The following P4HA3 variants were observed in gnomAD, a reference collection of about 807,000 sequenced individuals.
P4HA3 encodes the protein prolyl 4-hydroxylase subunit alpha 3.
P4HA3 carries 60 observed loss-of-function variants against 66.7 expected under a neutral mutation model. The observed-to-expected ratio is 0.90, with a 90% CI of 0.73 to 1.12. The LOEUF (loss-of-function observed/expected upper bound fraction) is 1.12. P4HA3 is among the 50% of genes most tolerant of loss of function. P4HA3 has a pLI of 0.00. For synonymous variants in P4HA3, 263 were observed against 274.6 expected (o/e 0.96, Z 0.42); for missense variants, 683 against 685.8 (o/e 1.00, Z 0.05).
At chr11:74,309,484 C>G (rs191052707) in intron 1 of P4HA3, among the ~76,000 whole-genome samples, 3 of 152,122 alleles carry the variant, frequency 2.0e-5, no homozygotes, top group African/African-American at 4.8e-5. Flanking sequence ...TTTGACCCCC[C>G]ACTCCCGTCT....
Position 74,277,011 on chromosome 11 carries a change from A to G in P4HA3, c.1309T>C (p.Tyr437His). ...QVVNYGIGGHYEPHFDHATSP... is the reference protein window; with the variant it reads ...QVVNYGIGGHHEPHFDHATSP... ...GTAGCATGGTCAAAGTGAGGCTCAT[A>G]GTGTCCTCCGATGCCATAGTTCACC... The change falls in exon 9 of 13, where the codon TAT becomes CAT. Residue 437 changes from tyrosine to histidine, a missense_variant. Physicochemically the swap from Tyr to His is moderately conservative, Grantham distance 83. Coordinates refer to ENST00000331597, the MANE Select transcript of P4HA3 (RefSeq NM_182904.5). The G allele has an allele frequency of 6.2e-7, 1 of 1,613,998 alleles. No homozygotes were observed. Among genetic ancestry groups the G allele is most frequent in the Non-Finnish European group, 8.5e-7 (1 of 1,179,926 alleles).
chr11:74,255,573 G>C (rs1044425912), intron 15 of P4HA3, among the ~76,000 whole-genome samples: 1 of 152,152 alleles, frequency 6.6e-6, no homozygotes, highest in Admixed American at 6.5e-5. Flanking sequence ...ACCCCACAGG[G>C]TCTTGAGGAT....
intron 8 of P4HA3, among the ~76,000 whole-genome samples, 187 bp downstream of exon 8, chr11:74,279,201 A>T (rs1454319814): frequency 6.6e-6 from 1 of 152,216 alleles, no homozygotes; most frequent in African/African-American, 2.4e-5. Context: ...TTAAACCCTC[A>T]GATGATCTAA....
intron 7 of P4HA3, among the ~76,000 whole-genome samples, chr11:74,281,132 A>G (rs1591104341): frequency 1.3e-5 from 2 of 152,244 alleles, no homozygotes; most frequent in South Asian, 2.1e-4. Context: ...AATGCTCACC[A>G]TTACTGGCCA....
chr11:74,269,635 A>G lies in P4HA3; in HGVS notation c.1467+17T>C. 1 of 1,609,988 alleles carries G rather than the reference A, an allele frequency of 6.2e-7. No individual in the cohort carries two copies. The highest frequency in any genetic ancestry group is 1.7e-5 in the Admixed American group (1 of 59,728). On this transcript the variant is annotated intron_variant, in intron 11 of 12. Coordinates refer to ENST00000331597, the MANE Select transcript of P4HA3 (RefSeq NM_182904.5). ...CACTCCCTCAACCCCGTCTTCTGGGACCAGGGCCCCACTCACCCTAACCAC... is the reference window on the plus strand; with the variant it reads ...CACTCCCTCAACCCCGTCTTCTGGGGCCAGGGCCCCACTCACCCTAACCAC...
Position 74,273,586 on chromosome 11 carries a change from T to C in P4HA3, c.1357A>G (p.Arg453Gly). Reference protein sequence around the residue: ...HATSPSSPLYRMKSGNRVATF... With the variant: ...HATSPSSPLYGMKSGNRVATF... ...GCAACTCGGTTTCCTGACTTCATTCTGTAGAGGGGGCTGCTTGGTGACTGA... is the reference window on the plus strand; with the variant it reads ...GCAACTCGGTTTCCTGACTTCATTCCGTAGAGGGGGCTGCTTGGTGACTGA... Residue 453 changes from arginine to glycine, a missense_variant, in exon 10 of 13, where the codon AGA becomes GGA. Physicochemically the swap from Arg to Gly is moderately radical, Grantham distance 125. Coordinates refer to ENST00000331597, the MANE Select transcript of P4HA3 (RefSeq NM_182904.5). 6.4e-7 allele frequency: 1 copy of C among 1,568,858 alleles called. No individual in the cohort carries two copies. The highest frequency in any genetic ancestry group is 8.6e-7 in the Non-Finnish European group (1 of 1,161,338).
Position 74,302,937 on chromosome 11 carries a change from CTCTTTTCTT to C in P4HA3, c.344-354_344-346del, listed in dbSNP as rs896894639. Among the ~76,000 whole-genome samples, 17 of 149,142 alleles carry C rather than the reference CTCTTTTCTT, an allele frequency of 1.1e-4. No homozygotes were observed. In the East Asian group the frequency reaches 1.2e-3, roughly 10 times the overall value. ...TTCTTTTCTTTTTTTCTCTTCTCTC[CTCTTTTCTT>C]TCTTTTCTTTCTTTCTTTTAATAGA... On this transcript the variant is annotated intron_variant, in intron 2 of 12. Transcript: ENST00000331597.
At chr11:74,260,978 G>GC (rs1279313461) in intron 14 of P4HA3, among the ~76,000 whole-genome samples, 1 of 152,150 alleles carries the variant, frequency 6.6e-6, no homozygotes, top group Non-Finnish European at 1.5e-5. Context: ...GGCCAGCGAT[G>GC]CCCCCTGCCC....
intron 4 of P4HA3, among the ~76,000 whole-genome samples, chr11:74,296,909 T>A (rs186928223): frequency 3.3e-5 from 5 of 151,304 alleles, no homozygotes; most frequent in African/African-American, 1.2e-4. Context: ...GAAGAGCACA[T>A]ACACAGTTTT....
At chr11:74,296,166 G>T (rs1483678364) in intron 4 of P4HA3, among the ~76,000 whole-genome samples, 1 of 152,148 alleles carries the variant, frequency 6.6e-6, no homozygotes, top group Admixed American at 6.5e-5. Flanking sequence ...GCCTGTATTA[G>T]CTCACTCAAT....
intron 4 of P4HA3, among the ~76,000 whole-genome samples, chr11:74,292,785 G>A (rs1861076880): frequency 6.6e-6 from 1 of 152,156 alleles, no homozygotes; most frequent in Non-Finnish European, 1.5e-5. Context: ...CTGAGTTCTA[G>A]TTTGACTGCA....
chr11:74,270,232 T>C (rs1021999436), intron 10 of P4HA3, among the ~76,000 whole-genome samples: 2 of 152,192 alleles, frequency 1.3e-5, no homozygotes, highest in South Asian at 2.1e-4. Context: ...CAACCTATAA[T>C]GGATCATGAC....
intron 5 of P4HA3, chr11:74,287,071 G>A: frequency 8.7e-7 from 1 of 1,153,242 alleles, no homozygotes; most frequent in South Asian, 1.8e-5. Flanking sequence ...ATTCCCACAG[G>A]GCCCTTGGGA....
chr11:74,294,704 G>C (rs1003826583), intron 4 of P4HA3, among the ~76,000 whole-genome samples: 5 of 152,186 alleles, frequency 3.3e-5, no homozygotes, highest in Non-Finnish European at 7.4e-5. Context: ...GTTTGCTAGA[G>C]GTCCACTCCA....
chr11:74,284,108 T>C (rs901279604), intron 7 of P4HA3, among the ~76,000 whole-genome samples: 7 of 152,266 alleles, frequency 4.6e-5, no homozygotes, highest in African/African-American at 1.7e-4. Flanking sequence ...AAGGGCACAA[T>C]GTCTGGCTTG....
chr11:74,268,647 C>T lies in P4HA3; in HGVS notation c.1468-406G>A, dbSNP rs562413346. On this transcript the variant is annotated intron_variant, in intron 11 of 12. Transcript: ENST00000331597. Reference sequence around the variant, plus strand: ...AATATTCCCATACAGCCAAGCATGTCATTAACTCAGAAGCTTTTCCTCCCT... The same window carrying T: ...AATATTCCCATACAGCCAAGCATGTTATTAACTCAGAAGCTTTTCCTCCCT... 3.5e-4 allele frequency among the ~76,000 whole-genome samples: 54 copies of T among 152,338 alleles called. No individual in the cohort carries two copies. In the Middle Eastern group the frequency reaches 0.02, roughly 58 times the overall value.
chr11:74,266,044 G>C (rs575353696), downstream of P4HA3, among the ~76,000 whole-genome samples: 1 of 152,322 alleles, frequency 6.6e-6, no homozygotes, highest in African/African-American at 2.4e-5. Context: ...ACTGCATTGA[G>C]TGGAATGATG....
rs190340809 is a variant in P4HA3, at chr11:74,258,694, T to G, written c.*1318+1229A>C. 3.1e-3 allele frequency among the ~76,000 whole-genome samples: 471 copies of G among 152,230 alleles called. 3 individuals carry two copies. The Middle Eastern group carries it at 0.034, about 11-fold the overall frequency. ...GGGGTGGGGCAGGGGCATGGAGGAC[T>G]AGGACCTGATAATGAGAGGAATGCT... On this transcript the variant is annotated intron_variant and NMD_transcript_variant, in intron 15 of 15. Coordinates refer to the P4HA3 transcript ENST00000524388.
At chr11:74,306,583 C>A (rs1325338542) in intron 1 of P4HA3, among the ~76,000 whole-genome samples, 2 of 152,052 alleles carry the variant, frequency 1.3e-5, no homozygotes, top group East Asian at 3.9e-4. Flanking sequence ...GACTATGAGT[C>A]CTTTGGCAAG....
Sources: gnomAD v4.1 joint callset for allele counts (sites outside exome capture counted in the v4.1 genomes callset) on GRCh38, gnomAD v4.1.1 for gene constraint, MANE v1.5 for transcripts, NCBI Gene and HGNC (gene_info 2026-07-23, HGNC 2026-07-21) for gene names.